Variants in AFF3 observed in about 807,000 individuals in gnomAD.
The protein encoded by AFF3 is ALF transcription elongation factor 3.
A neutral mutation model predicts 129.7 loss-of-function variants in AFF3; 32 were observed. That is an observed-to-expected ratio of 0.25 (90% CI 0.19 to 0.33). The LOEUF (loss-of-function observed/expected upper bound fraction) is 0.33, where lower values mean the gene tolerates loss of function less well. Among genes scored for constraint, AFF3 ranks in the 10% least tolerant of loss-of-function variants. The pLI, the probability that AFF3 is intolerant of heterozygous loss-of-function variation, is 1.00. For synonymous variants in AFF3, 644 were observed against 635.4 expected (o/e 1.01, Z -0.20); for missense variants, 1,373 against 1,592.0 (o/e 0.86, Z 2.34).
At position 99,582,701 on chromosome 2, in the gene AFF3, T is replaced by C. The variant is rs1405924192; in HGVS notation, c.2793+97A>G. 3.0e-6 allele frequency: 4 copies of C among 1,351,606 alleles called. No individual in the cohort carries two copies. In the African/African-American group the frequency reaches 5.8e-5, roughly 20 times the overall value. 83.7% of individuals were successfully genotyped at this position (1,351,606 alleles called of 1,614,324 possible). On this transcript the variant is annotated intron_variant, in intron 17 of 24. Coordinates refer to ENST00000672756, the MANE Select transcript of AFF3 (RefSeq NM_001386135.1). ...GGCATTCAGGAATTCTCAAGGGACC[T>C]CAAGCATGTGTTCAGACTGTGCTAG... is the stretch of plus-strand genomic sequence containing the variant.
At chr2:100,075,612 G>A (rs1482783375) in intron 4 of AFF3, among the ~76,000 whole-genome samples, 1 of 151,774 alleles carries the variant, frequency 6.6e-6, no homozygotes, top group African/African-American at 2.4e-5. Context: ...CAACAACAGT[G>A]GCCAAAAAAA....
chr2:100,007,552 G>C, intron 5 of AFF3, 92 bp from the exon 6 acceptor site: 1 of 1,183,722 alleles, frequency 8.4e-7, no homozygotes, highest in Non-Finnish European at 1.2e-6. Flanking sequence ...ACAGAGCCAG[G>C]GTTGTCACAT....
At chr2:99,591,883 T>C (rs1678717054) in intron 15 of AFF3, among the ~76,000 whole-genome samples, 1 of 152,112 alleles carries the variant, frequency 6.6e-6, no homozygotes, top group Non-Finnish European at 1.5e-5. Flanking sequence ...CTCCGTAAAA[T>C]GGGTATGACA....
At chr2:99,783,238 C>T (rs907069363) in intron 8 of AFF3, among the ~76,000 whole-genome samples, 1 of 152,200 alleles carries the variant, frequency 6.6e-6, no homozygotes, top group Non-Finnish European at 1.5e-5. Context: ...CCCTACCTCT[C>T]AAGTCCCCTT....
intron 11 of AFF3, among the ~76,000 whole-genome samples, chr2:99,717,212 T>C (rs1024263481): frequency 3.9e-5 from 6 of 152,246 alleles, no homozygotes; most frequent in African/African-American, 1.2e-4. Flanking sequence ...ATCTTTTTAA[T>C]GAATATGTTT....
intron 11 of AFF3, among the ~76,000 whole-genome samples, chr2:99,701,002 C>T (rs1321982814): frequency 6.6e-6 from 1 of 152,188 alleles, no homozygotes; most frequent in Non-Finnish European, 1.5e-5. Context: ...ACTCCACACT[C>T]ATACTGAAAG....
chr2:99,841,021 C>T, intron 7 of AFF3, among the ~76,000 whole-genome samples: 1 of 152,322 alleles, frequency 6.6e-6, no homozygotes, highest in South Asian at 2.1e-4. Context: ...TTTTCTACCA[C>T]AAAACAATTA....
At chr2:100,000,504 GCA>G (rs1178018490) in intron 7 of AFF3, among the ~76,000 whole-genome samples, 1 of 141,928 alleles carries the variant, frequency 7.0e-6, no homozygotes, top group African/African-American at 2.8e-5. Context: ...TCTCTCTCTA[GCA>G]CGCGCGCACA....
At chr2:100,137,762 G>T (rs532448752) in intron 1 of AFF3, among the ~76,000 whole-genome samples, 2 of 152,232 alleles carry the variant, frequency 1.3e-5, no homozygotes, top group African/African-American at 4.8e-5. Context: ...GGTGAAAGGA[G>T]TGTATCATAT....
At chr2:99,807,921 C>T (rs1165232977) in intron 8 of AFF3, among the ~76,000 whole-genome samples, 1 of 152,172 alleles carries the variant, frequency 6.6e-6, no homozygotes, top group Admixed American at 6.5e-5. Flanking sequence ...GCCCCTGAGC[C>T]CCTTCCCAGG....
At chr2:100,009,451 CTCTGTTAA>C (rs900435532) in intron 4 of AFF3, among the ~76,000 whole-genome samples, 10 of 151,874 alleles carry the variant, frequency 6.6e-5, no homozygotes, top group Non-Finnish European at 1.5e-4. Context: ...TTCTTCTGAT[CTCTGTTAA>C]TCAGTCAAGT....
intron 2 of AFF3, among the ~76,000 whole-genome samples, chr2:100,123,348 T>C (rs1692058558): frequency 6.6e-6 from 1 of 152,194 alleles, no homozygotes; most frequent in African/African-American, 2.4e-5. Context: ...TCTTGTTACA[T>C]AGGTGGAAGG....
intron 7 of AFF3, among the ~76,000 whole-genome samples, chr2:99,932,466 A>G (rs2106306220): frequency 6.6e-6 from 1 of 152,332 alleles, no homozygotes; most frequent in African/African-American, 2.4e-5. Context: ...GGTAACAGAC[A>G]CAGCCATGAG....
intron 11 of AFF3, among the ~76,000 whole-genome samples, chr2:99,724,358 C>T (rs577337958): frequency 6.5e-5 from 9 of 138,518 alleles, no homozygotes; most frequent in East Asian, 2.4e-4. Flanking sequence ...CTGCAACCTT[C>T]GCCTCCTAGG....
In AFF3 at chr2:100,062,810, G is replaced by T. The variant is rs137981226; in HGVS notation, c.53+41592C>A. On this transcript the variant is annotated intron_variant, in intron 4 of 24. Coordinates refer to ENST00000672756, the MANE Select transcript of AFF3 (RefSeq NM_001386135.1). ...AAACAGACAGGGAAACGAAACATCAGGAGTGAGAGAAAGAACAGATGCAAA... is the reference window on the plus strand; with the variant it reads ...AAACAGACAGGGAAACGAAACATCATGAGTGAGAGAAAGAACAGATGCAAA... Among the ~76,000 whole-genome samples the T allele has an allele frequency of 1.9e-3, 286 of 152,304 alleles. 3 individuals are homozygous for T. Among genetic ancestry groups the T allele is most frequent in the African/African-American group, 6.4e-3 (268 of 41,578 alleles).
chr2:99,874,466 G>A (rs1000155887), intron 7 of AFF3, among the ~76,000 whole-genome samples: 1 of 152,194 alleles, frequency 6.6e-6, no homozygotes, highest in African/African-American at 2.4e-5. Flanking sequence ...CTAAACAAAG[G>A]TATCTGTCCC....
At chr2:99,778,893 T>TGC (rs869127120) in intron 8 of AFF3, among the ~76,000 whole-genome samples, 446 of 35,852 alleles carry the variant, frequency 0.012, 1 homozygote, top group Admixed American at 0.037. Context: ...TGTGTGTGTG[T>TGC]GCGCGTGTGT....
At chr2:99,942,955 A>G (rs1675197299) in intron 7 of AFF3, among the ~76,000 whole-genome samples, 1 of 152,088 alleles carries the variant, frequency 6.6e-6, no homozygotes, top group Admixed American at 6.5e-5. Flanking sequence ...GGCTGAGGGG[A>G]AAGCAGAAAC....
intron 8 of AFF3, among the ~76,000 whole-genome samples, chr2:99,806,058 GA>G (rs373750398): frequency 5.2e-4 from 77 of 147,524 alleles, no homozygotes; most frequent in African/African-American, 1.1e-3. Context: ...AGAGATGATA[GA>G]AAAAAAAAAG....
Sources: allele counts gnomAD v4.1 joint callset (sites outside exome capture counted in the v4.1 genomes callset), GRCh38; gene constraint gnomAD v4.1.1; transcripts MANE v1.5; gene names NCBI Gene and HGNC (gene_info 2026-07-23, HGNC 2026-07-21).